TRHDE: variants seen among roughly 807,000 people sequenced by gnomAD.
TRHDE encodes the protein thyrotropin releasing hormone degrading enzyme.
In TRHDE, 72 loss-of-function variants were observed where a neutral mutation model predicts 125.7. The ratio of observed to expected loss-of-function variants is 0.57; its 90% CI spans 0.47 to 0.70. TRHDE has a LOEUF of 0.70. Among genes scored for constraint, TRHDE ranks in the 30% least tolerant of loss-of-function variants. The pLI is 0.00. For synonymous variants in TRHDE, 509 were observed against 509.1 expected (o/e 1.00, Z 0.00); for missense variants, 1,110 against 1,327.1 (o/e 0.84, Z 2.54).
At chr12:72,397,128 T>C (rs564394875) in intron 3 of TRHDE, among the ~76,000 whole-genome samples, 1 of 152,328 alleles carries the variant, frequency 6.6e-6, no homozygotes, top group South Asian at 2.1e-4. Context: ...CCTTTTTCAT[T>C]TTCGTAAACG....
intron 6 of TRHDE, among the ~76,000 whole-genome samples, chr12:72,536,104 C>T (rs1254988075): frequency 1.3e-5 from 2 of 152,072 alleles, no homozygotes; most frequent in Non-Finnish European, 1.5e-5. Flanking sequence ...TAAGCTAAGA[C>T]ATTTGTAGTG....
intron 12 of TRHDE, among the ~76,000 whole-genome samples, chr12:72,599,489 T>C (rs1269900624): frequency 6.6e-6 from 1 of 152,156 alleles, no homozygotes; most frequent in Non-Finnish European, 1.5e-5. Flanking sequence ...GGGTCATTTT[T>C]CATGTTTCTT....
intron 12 of TRHDE, among the ~76,000 whole-genome samples, chr12:72,615,993 T>G (rs1872797115): frequency 6.6e-6 from 1 of 152,136 alleles, no homozygotes; most frequent in Admixed American, 6.6e-5. Flanking sequence ...TGGCTAGATC[T>G]CAGTCTCATG....
intron 6 of TRHDE, among the ~76,000 whole-genome samples, chr12:72,499,933 TTTA>T (rs1180382543): frequency 6.6e-6 from 1 of 152,184 alleles, no homozygotes; most frequent in African/African-American, 2.4e-5. Context: ...AATGTCAGTT[TTTA>T]TTATTATTAA....
chr12:72,591,408 CT>C (rs1166367336), intron 12 of TRHDE, among the ~76,000 whole-genome samples: 1 of 152,002 alleles, frequency 6.6e-6, no homozygotes, highest in East Asian at 1.9e-4. Context: ...TATAGAAATC[CT>C]CCAACTACAT....
intron 3 of TRHDE, among the ~76,000 whole-genome samples, chr12:72,396,747 C>A (rs1592415259): frequency 8.1e-6 from 1 of 123,714 alleles, no homozygotes; most frequent in Non-Finnish European, 1.7e-5. Context: ...CATCTCAAAA[C>A]AAACAAACAA....
At chr12:72,293,950 C>A (rs1880188566) in intron 2 of TRHDE, among the ~76,000 whole-genome samples, 1 of 152,194 alleles carries the variant, frequency 6.6e-6, no homozygotes, top group Non-Finnish European at 1.5e-5. Flanking sequence ...GATATGCCAG[C>A]TGCTGCAGTG....
rs373600040 is a variant in TRHDE, at chr12:72,409,992, G to A, written c.1315+31871G>A. Reference sequence around the variant, plus strand: ...AAGTTATCAATAAAGCCAAAAAGTCGATTTTCTAAAAAGAATAATAAAATT... The same window carrying A: ...AAGTTATCAATAAAGCCAAAAAGTCAATTTTCTAAAAAGAATAATAAAATT... On this transcript the variant is annotated intron_variant, in intron 3 of 18. Coordinates refer to ENST00000261180, the MANE Select transcript of TRHDE (RefSeq NM_013381.3). 5.9e-5 allele frequency among the ~76,000 whole-genome samples: 9 copies of A among 151,858 alleles called. No individual in the cohort carries two copies. The South Asian group carries it at 1.2e-3, about 21-fold the overall frequency.
At chr12:72,536,276 G>A (rs1868853655) in intron 6 of TRHDE, among the ~76,000 whole-genome samples, 1 of 152,116 alleles carries the variant, frequency 6.6e-6, no homozygotes, top group African/African-American at 2.4e-5. Flanking sequence ...ACTAAAAATG[G>A]AGCTACTAGG....
chr12:72,568,775 A>C (rs1870580307), intron 10 of TRHDE, 119 bp downstream of exon 10: 2 of 586,282 alleles, frequency 3.4e-6, no homozygotes, highest in Non-Finnish European at 5.9e-6. Flanking sequence ...GAGAATATAA[A>C]GGAATGATTA....
chr12:72,150,607 T>A (rs190078155), intron 2 of TRHDE, among the ~76,000 whole-genome samples: 2 of 142,872 alleles, frequency 1.4e-5, no homozygotes, highest in East Asian at 4.2e-4. Context: ...GTCCATGTGT[T>A]CTCATTGTTC....
At chr12:72,588,946 C>A (rs891379723) in intron 12 of TRHDE, among the ~76,000 whole-genome samples, 3 of 152,114 alleles carry the variant, frequency 2.0e-5, no homozygotes, top group Non-Finnish European at 4.4e-5. Context: ...GGGAAAAACC[C>A]CTTTTAAAAC....
chr12:72,243,417 T>C (rs1404385936), intron 2 of TRHDE, among the ~76,000 whole-genome samples: 1 of 152,360 alleles, frequency 6.6e-6, no homozygotes, highest in South Asian at 2.1e-4. Context: ...AAAATGTGGC[T>C]ATTCTGAATT....
intron 2 of TRHDE, among the ~76,000 whole-genome samples, chr12:72,312,503 A>G (rs1319332530): frequency 2.0e-5 from 3 of 152,186 alleles, no homozygotes; most frequent in Non-Finnish European, 2.9e-5. Context: ...ATTGTTTTAA[A>G]AATAATAAAA....
Position 72,110,702 on chromosome 12 carries a change from G to C in TRHDE, n.279+4950G>C, listed in dbSNP as rs186466592. Among the ~76,000 whole-genome samples, 116 of 152,176 alleles carry C rather than the reference G, an allele frequency of 7.6e-4. 1 individual carries two copies. Among genetic ancestry groups the C allele is most frequent in the African/African-American group, 2.6e-3 (106 of 41,542 alleles). On this transcript the variant is annotated intron_variant and non_coding_transcript_variant, in intron 2 of 4. Transcript: ENST00000548156. ...GACTCTAGGTGATGCCATGATTGCT[G>C]TTCTACAATGATTTATTCCATATGA...
At chr12:72,513,363 C>G (rs7137054) in intron 6 of TRHDE, among the ~76,000 whole-genome samples, 36,190 of 151,860 alleles carry the variant, frequency 0.24, 5,842 homozygotes, top group East Asian at 0.48. Flanking sequence ...TCTCTTTGGC[C>G]CAAGTATTAT....
At position 72,426,576 on chromosome 12, in the gene TRHDE, T is replaced by C. The variant is rs568924722; in HGVS notation, c.1316-43182T>C. ...TTTTCTAGGTGAGGGACCTGAAGAC[T>C]AGAAATAGTAGGTTACTTGCCAAAG... On this transcript the variant is annotated intron_variant, in intron 3 of 18. Transcript: ENST00000261180. Among the ~76,000 whole-genome samples, 11 of 152,240 alleles carry C rather than the reference T, an allele frequency of 7.2e-5. No homozygotes were observed. The East Asian group carries it at 1.9e-3, about 27-fold the overall frequency.
intron 7 of TRHDE, among the ~76,000 whole-genome samples, chr12:72,561,295 T>C (rs1870164355): frequency 6.7e-6 from 1 of 150,354 alleles, no homozygotes; most frequent in Non-Finnish European, 1.5e-5. Context: ...TTCTTTTCAG[T>C]ACTTTGATAT....
chr12:72,271,492 T>A (rs940570191), upstream of TRHDE, among the ~76,000 whole-genome samples: 1 of 152,106 alleles, frequency 6.6e-6, no homozygotes, highest in Admixed American at 6.5e-5. Flanking sequence ...TACAATGTAC[T>A]TCTTGCAGGC....
Sources: allele counts gnomAD v4.1 joint callset (sites outside exome capture counted in the v4.1 genomes callset), GRCh38; gene constraint gnomAD v4.1.1; transcripts MANE v1.5; gene names NCBI Gene and HGNC (gene_info 2026-07-23, HGNC 2026-07-21).